Variants in ABLIM1 observed in about 807,000 individuals in gnomAD.
ABLIM1 encodes actin binding LIM protein 1.
In ABLIM1, 40 loss-of-function variants were observed where a neutral mutation model predicts 107.0. The ratio of observed to expected loss-of-function variants is 0.37; its 90% CI spans 0.29 to 0.49. The LOEUF is 0.49. Ranked by LOEUF, ABLIM1 falls within the 20% of genes least tolerant of loss-of-function variation. ABLIM1 has a pLI of 0.97. For synonymous variants in ABLIM1, 357 were observed against 357.3 expected (o/e 1.00, Z 0.01); for missense variants, 857 against 1,008.5 (o/e 0.85, Z 2.04).
intron 1 of ABLIM1, chr10:114,632,084 C>T (rs1251063510): frequency 1.2e-5 from 12 of 985,304 alleles, no homozygotes; most frequent in Non-Finnish European, 1.4e-5. Flanking sequence ...CGCCCCGCCT[C>T]GGCGGGCCCC....
rs2076034390 is a variant in ABLIM1, at chr10:114,601,804, C to A, written c.379+23G>T. The A allele has an allele frequency of 1.9e-6, 3 of 1,613,992 alleles. No homozygotes were observed. In the African/African-American group the frequency reaches 4.0e-5, roughly 22 times the overall value. ...GCCCCGACCATGGCATGCCACTGAG[C>A]CACGAAGCTGGAGGCACCATACCTT... On this transcript the variant is annotated intron_variant, in intron 2 of 22. Coordinates refer to ENST00000533213, the MANE Select transcript of ABLIM1 (RefSeq NM_002313.7).
upstream of ABLIM1, among the ~76,000 whole-genome samples, chr10:114,769,627 C>T (rs1254355208): frequency 1.3e-5 from 2 of 152,010 alleles, no homozygotes; most frequent in Non-Finnish European, 2.9e-5. Flanking sequence ...CTGCCCAAAT[C>T]CATCCTGATG....
the ABLIM1 span, among the ~76,000 whole-genome samples, chr10:114,790,782 A>T: frequency 1.3e-5 from 2 of 152,242 alleles, no homozygotes. Flanking sequence ...AAATGGACCT[A>T]CTAAATAATA....
chr10:114,789,246 C>T, the ABLIM1 span, among the ~76,000 whole-genome samples: 4 of 151,982 alleles, frequency 2.6e-5, no homozygotes, highest in African/African-American at 9.7e-5. Context: ...CGGAACAAGA[C>T]TCCGTCTCAA....
intron 2 of ABLIM1, among the ~76,000 whole-genome samples, chr10:114,585,559 C>A (rs2074091944): frequency 6.6e-6 from 1 of 152,170 alleles, no homozygotes; most frequent in Admixed American, 6.5e-5. Context: ...AAAGACGATG[C>A]TTTCATCAAC....
intron 2 of ABLIM1, among the ~76,000 whole-genome samples, chr10:114,595,769 G>A (rs1001432062): frequency 3.3e-5 from 5 of 152,130 alleles, no homozygotes; most frequent in African/African-American, 1.2e-4. Flanking sequence ...TGGGAATTAG[G>A]TTCTCCTTCC....
At position 114,701,707 on chromosome 10, in the gene ABLIM1, A is replaced by G. The variant is rs2081311432; in HGVS notation, c.-213+66354T>C. On this transcript the variant is annotated intron_variant, in intron 1 of 15. Coordinates refer to the ABLIM1 transcript ENST00000651092. Reference sequence around the variant, plus strand: ...GAGTCAATTTATGTGAAGTTCTAGAAAAGGCTAATCTAATTAGGACCTTGA... The same window carrying G: ...GAGTCAATTTATGTGAAGTTCTAGAGAAGGCTAATCTAATTAGGACCTTGA... Among the ~76,000 whole-genome samples the G allele has an allele frequency of 2.6e-5, 4 of 152,220 alleles. No homozygotes were observed. In the South Asian group the frequency reaches 8.3e-4, roughly 32 times the overall value.
intron 6 of ABLIM1, among the ~76,000 whole-genome samples, chr10:114,538,427 G>A (rs1426481080): frequency 6.6e-6 from 1 of 152,184 alleles, no homozygotes; most frequent in Non-Finnish European, 1.5e-5. Context: ...GAATGGACAG[G>A]CATTCCAGGG....
chr10:114,443,948 A>G, intron 17 of ABLIM1, 81 bp downstream of exon 17: 1 of 1,146,286 alleles, frequency 8.7e-7, no homozygotes, highest in South Asian at 1.5e-5. Flanking sequence ...AGGTTCCACC[A>G]CAAGTGAACA....
At chr10:114,441,371 G>A (rs1018411370) in intron 18 of ABLIM1, among the ~76,000 whole-genome samples, 6 of 152,156 alleles carry the variant, frequency 3.9e-5, no homozygotes, top group Admixed American at 3.9e-4. Flanking sequence ...TTGTGAGGAG[G>A]ATGGTTATAA....
At chr10:114,454,643 C>T (rs745678100) in intron 12 of ABLIM1, among the ~76,000 whole-genome samples, 3 of 152,114 alleles carry the variant, frequency 2.0e-5, no homozygotes, top group Non-Finnish European at 4.4e-5. Context: ...CCCTTCTGAC[C>T]AGGAGAATGG....
chr10:114,757,053 A>C (rs2082645713), intron 1 of ABLIM1, among the ~76,000 whole-genome samples: 1 of 152,228 alleles, frequency 6.6e-6, no homozygotes, highest in African/African-American at 2.4e-5. Context: ...CAGTGCTAAC[A>C]ATGATAATGT....
At chr10:114,660,943 A>T (rs2079767717), upstream of ABLIM1, among the ~76,000 whole-genome samples, 1 of 152,174 alleles carries the variant, frequency 6.6e-6, no homozygotes, top group Non-Finnish European at 1.5e-5. Context: ...CCCTAAACTC[A>T]TCAAGCATTG....
upstream of ABLIM1, among the ~76,000 whole-genome samples, chr10:114,769,416 AAAGAAGGAAAGAAAGAAAG>A (rs1029924143): frequency 1.4e-4 from 2 of 14,076 alleles, no homozygotes; most frequent in African/African-American, 5.2e-4. Flanking sequence ...GAAAGAAAGA[AAAGAAGGAAAGAAAGAAAG>A]AAAGAAAGAA....
chr10:114,767,840 C>A (rs565015545), intron 1 of ABLIM1, among the ~76,000 whole-genome samples: 2 of 152,176 alleles, frequency 1.3e-5, no homozygotes, highest in African/African-American at 4.8e-5. Flanking sequence ...GTGAGCGGGG[C>A]GCCGACTTTG....
intron 3 of ABLIM1, among the ~76,000 whole-genome samples, chr10:114,571,614 C>G (rs1373200985): frequency 1.3e-5 from 2 of 152,116 alleles, no homozygotes; most frequent in Non-Finnish European, 2.9e-5. Flanking sequence ...GGGGAATGTA[C>G]TGGTTCTAAG....
intron 1 of ABLIM1, among the ~76,000 whole-genome samples, chr10:114,633,600 G>A (rs145520900): frequency 1.5e-3 from 233 of 152,288 alleles, no homozygotes; most frequent in African/African-American, 5.4e-3. Flanking sequence ...GCCAGCTGGA[G>A]TGTAAGCACT....
intron 1 of ABLIM1, among the ~76,000 whole-genome samples, chr10:114,712,843 G>A (rs1007500629): frequency 2.6e-5 from 4 of 152,108 alleles, no homozygotes; most frequent in Non-Finnish European, 4.4e-5. Flanking sequence ...AAATAAAACC[G>A]TAGGGCAATG....
chr10:114,757,684 T>G (rs2082661346), intron 1 of ABLIM1, among the ~76,000 whole-genome samples: 1 of 152,218 alleles, frequency 6.6e-6, no homozygotes, highest in African/African-American at 2.4e-5. Flanking sequence ...TCTTGACCAT[T>G]ACGGTAGCCT....
Sources: allele counts gnomAD v4.1 joint callset (sites outside exome capture counted in the v4.1 genomes callset), GRCh38; gene constraint gnomAD v4.1.1; transcripts MANE v1.5; gene names NCBI Gene and HGNC (gene_info 2026-07-23, HGNC 2026-07-21).